Variants in MPPED1 observed in about 807,000 individuals in gnomAD.
MPPED1 encodes metallophosphoesterase domain containing 1, also known as metallophosphoesterase domain-containing protein 1.
In MPPED1, 16 loss-of-function variants were observed where a neutral mutation model predicts 36.2. That is an observed-to-expected ratio of 0.44 (90% CI 0.30 to 0.67). The LOEUF is 0.67. Among genes scored for constraint, MPPED1 ranks in the 30% least tolerant of loss-of-function variants. The pLI, the probability that MPPED1 is intolerant of heterozygous loss-of-function variation, is 0.10. For synonymous variants in MPPED1, 199 were observed against 191.3 expected (o/e 1.04, Z -0.33); for missense variants, 307 against 453.4 (o/e 0.68, Z 2.93).
At chr22:43,417,995 A>G in intron 1 of MPPED1, 1 of 454,846 alleles carries the variant, frequency 2.2e-6, no homozygotes, top group Middle Eastern at 3.3e-4. Context: ...CATGCTTAAT[A>G]AGACAGTCGT....
chr22:43,496,314 CGGAGATGG>C (rs1932354337), intron 4 of MPPED1, among the ~76,000 whole-genome samples: 1 of 5,514 alleles, frequency 1.8e-4, no homozygotes, highest in Non-Finnish European at 2.6e-4. Context: ...GTAGTGGTGG[CGGAGATGG>C]TGGTGATGGA....
At chr22:43,427,972 T>A (rs135082) in intron 2 of MPPED1, among the ~76,000 whole-genome samples, 12,041 of 152,062 alleles carry the variant, frequency 0.079, 934 homozygotes, top group African/African-American at 0.2. Context: ...ATGCTGGGGA[T>A]GAAATAGTTA....
At chr22:43,449,725 C>G (rs1930496626) in intron 3 of MPPED1, among the ~76,000 whole-genome samples, 1 of 152,178 alleles carries the variant, frequency 6.6e-6, no homozygotes. Flanking sequence ...GCTGGGCCAC[C>G]TTGCCTCCTC....
intron 4 of MPPED1, among the ~76,000 whole-genome samples, chr22:43,493,537 G>T (rs1429781964): frequency 1.3e-5 from 2 of 152,180 alleles, no homozygotes; most frequent in Admixed American, 6.5e-5. Context: ...TGGTAGTGAG[G>T]CACCCTGTTG....
chr22:43,471,624 G>T (rs1025656359), intron 3 of MPPED1, among the ~76,000 whole-genome samples: 11 of 152,172 alleles, frequency 7.2e-5, no homozygotes, highest in African/African-American at 2.4e-4. Flanking sequence ...GTGTCCTCCC[G>T]GACCCACTAC....
chr22:43,500,227 AGGTGGTG>A (rs1932652175), intron 5 of MPPED1, among the ~76,000 whole-genome samples: 1 of 15,034 alleles, frequency 6.7e-5, no homozygotes. Context: ...GTGATGGTGG[AGGTGGTG>A]ATGGAGGTGG....
intron 1 of MPPED1, chr22:43,418,002 T>C: frequency 2.2e-6 from 1 of 455,444 alleles, no homozygotes; most frequent in Admixed American, 2.4e-5. Flanking sequence ...AATAAGACAG[T>C]CGTTTCTGTG....
chr22:43,443,973 A>G (rs1373652689), intron 3 of MPPED1, among the ~76,000 whole-genome samples: 2 of 152,208 alleles, frequency 1.3e-5, no homozygotes, highest in Admixed American at 6.5e-5. Flanking sequence ...GAGTGAGATC[A>G]AGGCTCAGAA....
chr22:43,503,003 A>T (rs147958312), intron 6 of MPPED1, among the ~76,000 whole-genome samples: 125 of 152,282 alleles, frequency 8.2e-4, no homozygotes, highest in African/African-American at 3.0e-3. Flanking sequence ...GGAGCCCTGC[A>T]ACTCTGCTGT....
At chr22:43,445,774 T>C (rs1476314817) in intron 3 of MPPED1, among the ~76,000 whole-genome samples, 3 of 151,920 alleles carry the variant, frequency 2.0e-5, no homozygotes, top group Non-Finnish European at 4.4e-5. Context: ...TTTACCATTT[T>C]GCCCAGGCTG....
chr22:43,442,008 C>T (rs1450777569), intron 3 of MPPED1, among the ~76,000 whole-genome samples: 1 of 152,146 alleles, frequency 6.6e-6, no homozygotes, highest in Non-Finnish European at 1.5e-5. Flanking sequence ...CCTCGCCCTC[C>T]CCTTGCAGGA....
chr22:43,448,652 G>A (rs1930450257), intron 3 of MPPED1, among the ~76,000 whole-genome samples: 2 of 151,844 alleles, frequency 1.3e-5, no homozygotes, highest in Admixed American at 6.6e-5. Flanking sequence ...ACCCAGGCTG[G>A]AGTGCAGTGG....
intron 3 of MPPED1, among the ~76,000 whole-genome samples, chr22:43,438,080 C>T (rs2146837752): frequency 6.6e-6 from 1 of 152,300 alleles, no homozygotes; most frequent in Middle Eastern, 3.4e-3. Context: ...TGTCGCAAGC[C>T]CTGGGGTAAC....
intron 3 of MPPED1, among the ~76,000 whole-genome samples, chr22:43,469,090 G>A (rs927516473): frequency 2.0e-5 from 3 of 152,118 alleles, no homozygotes; most frequent in African/African-American, 2.4e-5. Context: ...GGTTGGTGCT[G>A]CCTAATCTCT....
intron 4 of MPPED1, among the ~76,000 whole-genome samples, chr22:43,490,255 G>T (rs968761772): frequency 3.9e-5 from 6 of 152,190 alleles, no homozygotes; most frequent in Admixed American, 6.5e-5. Context: ...CCCCAAATGG[G>T]CAAGGGTGTG....
At chr22:43,438,272 G>A (rs1008075360) in intron 3 of MPPED1, among the ~76,000 whole-genome samples, 2 of 152,210 alleles carry the variant, frequency 1.3e-5, no homozygotes, top group African/African-American at 4.8e-5. Context: ...CCCTGAGGAG[G>A]GGATGTTGGG....
intron 4 of MPPED1, 77 bp from the exon 5 acceptor site, chr22:43,498,158 G>A (rs1052524301): frequency 1.8e-5 from 21 of 1,188,532 alleles, no homozygotes; most frequent in African/African-American, 1.4e-4. Flanking sequence ...CCCCTGGCCC[G>A]TGGGGAGCTC....
chr22:43,486,871 C>T (rs1931928056), intron 4 of MPPED1, among the ~76,000 whole-genome samples: 1 of 152,104 alleles, frequency 6.6e-6, no homozygotes, highest in Admixed American at 6.5e-5. Flanking sequence ...GGTGCAGGTT[C>T]ATGGGAGAGG....
chr22:43,498,199 C>T lies in MPPED1; in HGVS notation c.633-36C>T, dbSNP rs1443385241. ...TCCCTCTGACCACCCTGTACTTTCA[C>T]CCGCCCTCCCTCAAACACCTGCACT... On this transcript the variant is annotated intron_variant, in intron 4 of 6. Coordinates refer to ENST00000443721, the MANE Select transcript of MPPED1 (RefSeq NM_001044370.2). 7 of 1,501,620 alleles carry T rather than the reference C, an allele frequency of 4.7e-6. No homozygotes were observed. In the African/African-American group the frequency reaches 9.7e-5, roughly 21 times the overall value. 93.0% of individuals were successfully genotyped at this position (1,501,620 alleles called of 1,614,324 possible).
Sources: allele counts gnomAD v4.1 joint callset (sites outside exome capture counted in the v4.1 genomes callset), GRCh38; gene constraint gnomAD v4.1.1; transcripts MANE v1.5; gene names NCBI Gene and HGNC (gene_info 2026-07-23, HGNC 2026-07-21).